Variants in CNTN5 observed in about 807,000 individuals in gnomAD.
CNTN5 encodes contactin 5.
Under a neutral mutation model 129.1 loss-of-function variants are expected in CNTN5, and 77 were observed. The observed-to-expected ratio is 0.60, with a 90% CI of 0.50 to 0.72. The LOEUF (loss-of-function observed/expected upper bound fraction) is 0.72. Among genes scored for constraint, CNTN5 ranks in the 30% least tolerant of loss-of-function variants. CNTN5 has a pLI of 0.00. For missense variants in CNTN5, 1,478 were observed against 1,328.8 expected (o/e 1.11, Z -1.75); for synonymous variants, 509 against 465.6 (o/e 1.09, Z -1.20).
At chr11:99,320,472 G>GT (rs1865523383) in intron 1 of CNTN5, among the ~76,000 whole-genome samples, 1 of 152,094 alleles carries the variant, frequency 6.6e-6, no homozygotes, top group South Asian at 2.1e-4. Flanking sequence ...AAATTTGGAA[G>GT]TTTTTTGTGT....
intron 2 of CNTN5, among the ~76,000 whole-genome samples, chr11:99,347,739 A>T (rs904102437): frequency 6.6e-6 from 1 of 152,132 alleles, no homozygotes; most frequent in African/African-American, 2.4e-5. Context: ...ATTAGCCCCG[A>T]TATTTTTCGT....
intron 3 of CNTN5, among the ~76,000 whole-genome samples, chr11:99,791,420 T>C (rs1454721462): frequency 1.3e-5 from 2 of 152,150 alleles, no homozygotes; most frequent in African/African-American, 4.8e-5. Flanking sequence ...CGTCACTTAT[T>C]TTTGTCTACT....
chr11:99,810,029 C>T (rs1291820263), intron 3 of CNTN5, among the ~76,000 whole-genome samples: 8 of 152,008 alleles, frequency 5.3e-5, no homozygotes, highest in Admixed American at 3.9e-4. Flanking sequence ...TAATTTAATG[C>T]AACCATATAT....
intron 13 of CNTN5, among the ~76,000 whole-genome samples, chr11:100,157,655 A>G (rs979785628): frequency 3.3e-5 from 5 of 151,844 alleles, no homozygotes; most frequent in Admixed American, 1.3e-4. Flanking sequence ...ATAAAGAAAG[A>G]AGGTGGAAAA....
intron 10 of CNTN5, among the ~76,000 whole-genome samples, 171 bp downstream of exon 10, chr11:100,061,564 A>G (rs1254000022): frequency 1.3e-5 from 2 of 152,220 alleles, no homozygotes; most frequent in African/African-American, 4.8e-5. Flanking sequence ...ATACATAGAA[A>G]TGATTTAAAT....
intron 3 of CNTN5, among the ~76,000 whole-genome samples, chr11:99,660,348 G>T (rs530253138): frequency 1.1e-3 from 170 of 152,256 alleles, no homozygotes; most frequent in African/African-American, 3.9e-3. Flanking sequence ...GGCCAAGGAA[G>T]ATTACAAATT....
chr11:99,817,991 A>G (rs2135546965), intron 3 of CNTN5, among the ~76,000 whole-genome samples: 1 of 152,334 alleles, frequency 6.6e-6, no homozygotes, highest in Middle Eastern at 3.4e-3. Context: ...ATCTAAAAAT[A>G]TACTTTTTAG....
intron 1 of CNTN5, among the ~76,000 whole-genome samples, chr11:99,097,967 C>G (rs1218622378): frequency 6.6e-6 from 1 of 151,856 alleles, no homozygotes; most frequent in Admixed American, 6.6e-5. Context: ...AATTATACTC[C>G]TTATATAATT....
intron 1 of CNTN5, among the ~76,000 whole-genome samples, chr11:99,140,584 A>C (rs993403783): frequency 6.6e-6 from 1 of 152,002 alleles, no homozygotes; most frequent in South Asian, 2.1e-4. Flanking sequence ...TCTCAAGGGG[A>C]ATGCTTCCAG....
intron 10 of CNTN5, among the ~76,000 whole-genome samples, chr11:100,065,502 T>G (rs1943662441): frequency 6.6e-6 from 1 of 152,018 alleles, no homozygotes; most frequent in African/African-American, 2.4e-5. Context: ...ACGAGGTGCT[T>G]TACATACATT....
At chr11:100,242,489 G>T (rs1015492147) in intron 16 of CNTN5, among the ~76,000 whole-genome samples, 1 of 152,260 alleles carries the variant, frequency 6.6e-6, no homozygotes, top group South Asian at 2.1e-4. Flanking sequence ...GGCTGTACAG[G>T]AAGTATGGCT....
intron 6 of CNTN5, among the ~76,000 whole-genome samples, chr11:99,911,513 C>T (rs1382479058): frequency 6.6e-6 from 1 of 151,856 alleles, no homozygotes; most frequent in Non-Finnish European, 1.5e-5. Flanking sequence ...TTCCTCACTC[C>T]TCCCCAATAA....
chr11:100,207,018 T>A (rs892574067), intron 15 of CNTN5, among the ~76,000 whole-genome samples: 1 of 152,144 alleles, frequency 6.6e-6, no homozygotes, highest in Non-Finnish European at 1.5e-5. Flanking sequence ...GTGATAACTT[T>A]GTTCACTTTG....
chr11:99,294,201 A>G (rs1383709023), intron 1 of CNTN5, among the ~76,000 whole-genome samples: 1 of 152,114 alleles, frequency 6.6e-6, no homozygotes, highest in Non-Finnish European at 1.5e-5. Context: ...ATTTTCATAT[A>G]TTTAGTGGTT....
In CNTN5 at chr11:100,191,147, G is replaced by A; in HGVS notation, c.1602G>A (p.Gly534=). ...TCAGAATAGCTATTCTTCCAGACGGGAGTCTACGGATCCTAAATGCTTCCA... is the reference window on the plus strand; with the variant it reads ...TCAGAATAGCTATTCTTCCAGACGGAAGTCTACGGATCCTAAATGCTTCCA... ...ENKRIAILPD[G]SLRILNASKS... Residue 534 remains glycine, a synonymous_variant, in exon 14 of 25, where the codon GGG becomes GGA. Coordinates refer to ENST00000524871, the MANE Select transcript of CNTN5 (RefSeq NM_014361.4). The A allele has an allele frequency of 6.2e-7, 1 of 1,605,460 alleles. No individual in the cohort carries two copies. Among genetic ancestry groups the A allele is most frequent in the South Asian group, 1.1e-5 (1 of 89,606 alleles).
At chr11:99,942,017 T>C (rs78804100) in intron 7 of CNTN5, among the ~76,000 whole-genome samples, 576 of 152,158 alleles carry the variant, frequency 3.8e-3, no homozygotes, top group Non-Finnish European at 5.2e-3. Context: ...ATAAACTACT[T>C]ACTGGATACT....
At chr11:99,479,458 A>C (rs937487964) in intron 2 of CNTN5, among the ~76,000 whole-genome samples, 4 of 152,108 alleles carry the variant, frequency 2.6e-5, no homozygotes, top group African/African-American at 9.7e-5. Context: ...AGGGCTTTAA[A>C]ACCCTTGTAA....
chr11:99,750,584 G>C (rs1944198804), intron 3 of CNTN5, among the ~76,000 whole-genome samples: 1 of 151,410 alleles, frequency 6.6e-6, no homozygotes, highest in Non-Finnish European at 1.5e-5. Flanking sequence ...CTCTGTAAGG[G>C]GAAAAAAAAA....
At chr11:99,928,740 A>T in intron 7 of CNTN5, among the ~76,000 whole-genome samples, 1 of 152,144 alleles carries the variant, frequency 6.6e-6, no homozygotes, top group South Asian at 2.1e-4. Flanking sequence ...GACTTCTCAC[A>T]CGCTCTGGAG....
Sources: allele counts gnomAD v4.1 joint callset (sites outside exome capture counted in the v4.1 genomes callset), GRCh38; gene constraint gnomAD v4.1.1; transcripts MANE v1.5; gene names NCBI Gene and HGNC (gene_info 2026-07-23, HGNC 2026-07-21).